The following DNAH12 variants were observed in gnomAD, a reference collection of about 807,000 sequenced individuals.
DNAH12 encodes the protein axonemal beta dynein heavy chain 12.
In DNAH12, 285 loss-of-function variants were observed where a neutral mutation model predicts 371.5. That is an observed-to-expected ratio of 0.77 (90% CI 0.70 to 0.85). The LOEUF is 0.85. Among genes scored for constraint, DNAH12 ranks in the 40% least tolerant of loss-of-function variants. DNAH12 has a pLI of 0.00. For missense variants in DNAH12, 3,611 were observed against 3,689.4 expected (o/e 0.98, Z 0.55); for synonymous variants, 1,200 against 1,213.0 (o/e 0.99, Z 0.22).
At chr3:57,321,920 C>T (rs73833877) in intron 65 of DNAH12, among the ~76,000 whole-genome samples, 2,432 of 152,200 alleles carry the variant, frequency 0.016, 79 homozygotes, top group African/African-American at 0.056. Flanking sequence ...AACATTATTA[C>T]TAGAATCTAA....
chr3:57,544,641 C>T (rs1472340204), upstream of DNAH12, among the ~76,000 whole-genome samples: 1 of 152,154 alleles, frequency 6.6e-6, no homozygotes, highest in East Asian at 1.9e-4. Flanking sequence ...ACACTCTCAG[C>T]AAGAGAATCA....
chr3:57,491,667 C>T (rs1454322574), intron 11 of DNAH12, among the ~76,000 whole-genome samples: 2 of 152,044 alleles, frequency 1.3e-5, no homozygotes, highest in Non-Finnish European at 2.9e-5. Context: ...GGCATGATGG[C>T]TCATGCCTGT....
intron 4 of DNAH12, among the ~76,000 whole-genome samples, chr3:57,518,327 C>T (rs946468733): frequency 2.0e-5 from 3 of 152,090 alleles, no homozygotes; most frequent in African/African-American, 7.2e-5. Context: ...GAGTTTGAGA[C>T]CAGCTTGGCC....
chr3:57,373,514 T>TG (rs1256283730), intron 55 of DNAH12, among the ~76,000 whole-genome samples: 1 of 143,114 alleles, frequency 7.0e-6, no homozygotes, highest in Non-Finnish European at 1.5e-5. Flanking sequence ...TCAGTAGAGG[T>TG]GGGGTTTCAC....
chr3:57,357,941 C>G (rs1217751162), intron 58 of DNAH12, among the ~76,000 whole-genome samples: 3 of 152,178 alleles, frequency 2.0e-5, no homozygotes, highest in Admixed American at 1.3e-4. Flanking sequence ...CTTAACAGGG[C>G]TGTAGATATT....
At chr3:57,546,070 T>C (rs112928265), upstream of DNAH12, among the ~76,000 whole-genome samples, 46 of 152,170 alleles carry the variant, frequency 3.0e-4, no homozygotes, top group African/African-American at 1.0e-3. Context: ...CAGTTCCTGA[T>C]AGGTCCCGAG....
chr3:57,345,235 T>C (rs557590798), intron 60 of DNAH12, among the ~76,000 whole-genome samples: 40 of 152,292 alleles, frequency 2.6e-4, no homozygotes, highest in South Asian at 2.1e-4. Flanking sequence ...CCTCAATTTA[T>C]GGTAAATATC....
intron 45 of DNAH12, among the ~76,000 whole-genome samples, chr3:57,390,424 A>AAAAATATATATATATATATAT: frequency 9.0e-5 from 3 of 33,432 alleles, no homozygotes; most frequent in Admixed American, 5.6e-4. Context: ...AAAAAAAAAA[A>AAAAATATATATATATATATAT]ATATATATAT....
At chr3:57,382,640 T>C (rs2063417777) in intron 49 of DNAH12, among the ~76,000 whole-genome samples, 2 of 151,928 alleles carry the variant, frequency 1.3e-5, no homozygotes, top group African/African-American at 4.8e-5. Context: ...GAGAATATAA[T>C]GGCAGCTATA....
chr3:57,360,313 C>G (rs1416434713), intron 58 of DNAH12, among the ~76,000 whole-genome samples: 2 of 148,570 alleles, frequency 1.3e-5, no homozygotes, highest in East Asian at 1.9e-4. Context: ...CCAAATAGTA[C>G]AAGTGACCAG....
chr3:57,321,794 A>G (rs919335375), intron 65 of DNAH12, among the ~76,000 whole-genome samples: 10 of 152,286 alleles, frequency 6.6e-5, no homozygotes, highest in Admixed American at 1.3e-4. Context: ...CTGTTTCTCA[A>G]TTGGTAAGAA....
chr3:57,312,469 C>T (rs1008242305), intron 66 of DNAH12, among the ~76,000 whole-genome samples: 19 of 152,194 alleles, frequency 1.2e-4, no homozygotes, highest in Non-Finnish European at 1.3e-4. Flanking sequence ...TTAGCCCCAT[C>T]AGTTTTCTGA....
At chr3:57,457,666 C>T in intron 22 of DNAH12, 55 bp downstream of exon 22, 1 of 1,471,666 alleles carries the variant, frequency 6.8e-7, no homozygotes, top group Non-Finnish European at 9.1e-7. Context: ...TCCAAAACCT[C>T]TTAAACAAAG....
chr3:57,303,217 T>TA (rs1469692359), intron 69 of DNAH12, among the ~76,000 whole-genome samples: 3 of 150,666 alleles, frequency 2.0e-5, no homozygotes, highest in Admixed American at 6.6e-5. Context: ...TGGGCGCCTG[T>TA]AGTCCCAGCT....
At chr3:57,414,540 C>T (rs2064305446) in intron 38 of DNAH12, among the ~76,000 whole-genome samples, 1 of 152,108 alleles carries the variant, frequency 6.6e-6, no homozygotes, top group Admixed American at 6.6e-5. Flanking sequence ...ACCCTCCTCC[C>T]CCGCTCCACT....
intron 25 of DNAH12, among the ~76,000 whole-genome samples, chr3:57,450,405 G>C (rs1395815605): frequency 2.8e-5 from 4 of 144,486 alleles, no homozygotes; most frequent in African/African-American, 1.0e-4. Context: ...AAAATTAGTT[G>C]GGCGTGGTGG....
chr3:57,350,254 A>T (rs1479599395), intron 60 of DNAH12, among the ~76,000 whole-genome samples: 1 of 152,164 alleles, frequency 6.6e-6, no homozygotes, highest in Non-Finnish European at 1.5e-5. Flanking sequence ...CATGTAACCA[A>T]ACACCACCAG....
At chr3:57,420,248 A>C (rs2064525473) in intron 36 of DNAH12, among the ~76,000 whole-genome samples, 1 of 152,054 alleles carries the variant, frequency 6.6e-6, no homozygotes, top group Non-Finnish European at 1.5e-5. Context: ...GGAGAACCCC[A>C]GCCCTTCCAC....
chr3:57,316,698 C>A (rs1481031986), intron 65 of DNAH12, among the ~76,000 whole-genome samples: 1 of 152,098 alleles, frequency 6.6e-6, no homozygotes, highest in African/African-American at 2.4e-5. Context: ...GGCAGTTTCC[C>A]CCATACTGTT....
Sources: allele counts gnomAD v4.1 joint callset (sites outside exome capture counted in the v4.1 genomes callset), GRCh38; gene constraint gnomAD v4.1.1; transcripts MANE v1.5; gene names NCBI Gene and HGNC (gene_info 2026-07-23, HGNC 2026-07-21).